Variants in ZNF207 observed in about 807,000 individuals in gnomAD.
The protein encoded by ZNF207 is zinc finger protein 207, also known as BUB3-interacting and GLEBS motif-containing protein ZNF207.
Under a neutral mutation model 60.2 loss-of-function variants are expected in ZNF207, and 24 were observed. The observed-to-expected ratio is 0.40, with a 90% CI of 0.29 to 0.56. The LOEUF (loss-of-function observed/expected upper bound fraction) is 0.56, where lower values mean the gene tolerates loss of function less well. Ranked by LOEUF, ZNF207 falls within the 20% of genes least tolerant of loss-of-function variation. The pLI is 0.49. For missense variants in ZNF207, 452 were observed against 636.6 expected (o/e 0.71, Z 3.12); for synonymous variants, 236 against 194.7 (o/e 1.21, Z -1.77).
intron 3 of ZNF207, among the ~76,000 whole-genome samples, chr17:32,360,190 A>ACCCC (rs1567818198): frequency 2.2e-5 from 3 of 136,150 alleles, no homozygotes; most frequent in African/African-American, 8.2e-5. Flanking sequence ...CCCCCCCAAA[A>ACCCC]AAAAAAAAAA....
rs1423179141 is a variant in ZNF207 at position 32,370,984 on chromosome 17, C to G, written c.*1225C>G. On this transcript the variant is annotated 3_prime_UTR_variant, in exon 12 of 12. Transcript: ENST00000394670. ...CCTTCTGTTATTAAGCCTAGGTAGC[C>G]TTACTGTGCAACTTTTTATTTATCC... The G allele has an allele frequency of 3.9e-5, 6 of 152,122 alleles. No individual in the cohort carries two copies. The highest frequency in any genetic ancestry group is 7.4e-5 in the Non-Finnish European group (5 of 68,026). The allele number at this position is 152,122 out of a possible 1,614,324, so 9.4% of individuals were successfully genotyped here.
chr17:32,351,625 G>A, intron 1 of ZNF207, 161 bp from the exon 2 acceptor site: 5 of 1,545,370 alleles, frequency 3.2e-6, no homozygotes, highest in Non-Finnish European at 4.4e-6. Context: ...GAAATAACAT[G>A]GCAAGTGTAG....
At chr17:32,357,583 G>C (rs1904620211) in intron 2 of ZNF207, among the ~76,000 whole-genome samples, 1 of 151,470 alleles carries the variant, frequency 6.6e-6, no homozygotes, top group Admixed American at 6.6e-5. Flanking sequence ...TCTTGACCTC[G>C]TGATCCGCCC....
intron 2 of ZNF207, among the ~76,000 whole-genome samples, chr17:32,356,563 G>C (rs1161478935): frequency 6.6e-6 from 1 of 152,110 alleles, no homozygotes; most frequent in African/African-American, 2.4e-5. Flanking sequence ...TTAGCTTTTT[G>C]TAGTTACTTT....
intron 9 of ZNF207, among the ~76,000 whole-genome samples, 185 bp downstream of exon 9, chr17:32,366,942 A>G (rs114441289): frequency 0.011 from 1,692 of 152,068 alleles, 24 homozygotes; most frequent in African/African-American, 0.039. Flanking sequence ...ACTACCCCGA[A>G]CTCCTGTGGT....
Position 32,380,535 on chromosome 17 carries a change from T to C in ZNF207, c.*10776T>C, listed in dbSNP as rs1477990206. 1 of 152,246 alleles carries C rather than the reference T, an allele frequency of 6.6e-6. No individual in the cohort carries two copies. The highest frequency in any genetic ancestry group is 1.5e-5 in the Non-Finnish European group (1 of 68,046). 9.4% of individuals were successfully genotyped at this position (152,246 alleles called of 1,614,324 possible). ...ACTCGATGATGGCTTTCAGTTTATT[T>C]AAGTCTTCTGTTTTTCAGCTCCAGT... On this transcript the variant is annotated 3_prime_UTR_variant, in exon 12 of 12. Transcript: ENST00000394670.
intron 3 of ZNF207, among the ~76,000 whole-genome samples, chr17:32,358,916 T>C (rs2344976): frequency 0.59 from 89,247 of 151,600 alleles, 27,108 homozygotes; most frequent in African/African-American, 0.64. Flanking sequence ...TCTCTTGACT[T>C]GGCCTCCTGA....
At chr17:32,368,439 C>T (rs1365655008) in intron 10 of ZNF207, 10 of 175,202 alleles carry the variant, frequency 5.7e-5, no homozygotes, top group South Asian at 4.9e-4. Context: ...TGGTGGCTCA[C>T]GCCTATAATT....
chr17:32,363,783 G>A (rs1254233194), intron 7 of ZNF207, among the ~76,000 whole-genome samples: 1 of 151,760 alleles, frequency 6.6e-6, no homozygotes, highest in Non-Finnish European at 1.5e-5. Flanking sequence ...CGCCTGCCTT[G>A]GCCTCCCGAA....
At position 32,365,464 on chromosome 17, in the gene ZNF207, C is replaced by T. The variant is rs750641177; in HGVS notation, c.805C>T (p.Pro269Ser). ...VPAPQPPVTKPLFPSAGQMGT... is the reference protein window; with the variant it reads ...VPAPQPPVTKSLFPSAGQMGT... ...TGCCCCACAGCCTCCAGTTACTAAG[C>T]CTCTTTTCCCCAGTGCTGGACAGGT... Residue 269 changes from proline (P) to serine (S), a missense_variant, in exon 8 of 12, where the codon CCT becomes TCT. This residue lies in a region of ZNF207 where 390 missense variants were observed against 461.4 expected (regional missense o/e 0.85). Coordinates refer to ENST00000394670, the MANE Select transcript of ZNF207 (RefSeq NM_001098507.2). The T allele has an allele frequency of 6.2e-7, 1 of 1,614,070 alleles. No homozygotes were observed. The highest frequency in any genetic ancestry group is 8.5e-7 in the Non-Finnish European group (1 of 1,180,004).
At chr17:32,366,526 G>A (rs1905169344) in intron 8 of ZNF207, 139 bp from the exon 9 acceptor site, 2 of 531,114 alleles carry the variant, frequency 3.8e-6, no homozygotes, top group African/African-American at 2.0e-5. Flanking sequence ...TTAACTGCCT[G>A]CCTTTTAAAA....
rs561822635 is a variant in ZNF207 at position 32,369,678 on chromosome 17, G to C, written c.1404G>C (p.Met468Ile). The change falls in exon 12 of 12, where the codon ATG becomes ATC. Residue 468 changes from methionine to isoleucine, a missense_variant. By Grantham distance (10) the Met-to-Ile change is conservative. Around this residue, in one of 2 missense-constraint regions of ZNF207, gnomAD observed 390 missense variants for 461.4 expected, o/e 0.85. Coordinates refer to ENST00000394670, the MANE Select transcript of ZNF207 (RefSeq NM_001098507.2). Reference protein sequence around the residue: ...AMPPYGQGPPMVPPYQGGPPR... With the variant: ...AMPPYGQGPPIVPPYQGGPPR... ...CCCCGTATGGGCAGGGACCGCCAAT[G>C]GTGCCCCCTTACCAGGGTGGGCCTC... 1.3e-6 allele frequency: 2 copies of C among 1,599,564 alleles called. No homozygotes were observed. Among genetic ancestry groups the C allele is most frequent in the East Asian group, 2.2e-5 (1 of 44,708 alleles).
intron 2 of ZNF207, among the ~76,000 whole-genome samples, chr17:32,353,937 G>C (rs1904344549): frequency 6.6e-6 from 1 of 151,926 alleles, no homozygotes. Context: ...TAAATGCTCA[G>C]TTTCTCTGTC....
At chr17:32,367,238 ATT>A (rs1567824637) in intron 9 of ZNF207, among the ~76,000 whole-genome samples, 1 of 32,284 alleles carries the variant, frequency 3.1e-5, no homozygotes, top group African/African-American at 8.1e-5. Context: ...TTTGGAGGGG[ATT>A]ATATATATAT....
At chr17:32,364,124 C>T (rs533702085) in intron 7 of ZNF207, among the ~76,000 whole-genome samples, 5 of 152,112 alleles carry the variant, frequency 3.3e-5, no homozygotes, top group Admixed American at 6.5e-5. Context: ...CCGCAGCCTC[C>T]CAAAGTGCTG....
At chr17:32,367,674 CTTTA>C (rs1156241277) in intron 9 of ZNF207, 94 bp from the exon 10 acceptor site, 4 of 1,462,614 alleles carry the variant, frequency 2.7e-6, no homozygotes, top group Middle Eastern at 3.8e-4. Context: ...AAGTTTGGTC[CTTTA>C]TTTAATGTTG....
Position 32,381,104 on chromosome 17 carries a change from G to C in ZNF207, c.*11345G>C, listed in dbSNP as rs546842197. On this transcript the variant is annotated 3_prime_UTR_variant, in exon 12 of 12. Coordinates refer to ENST00000394670, the MANE Select transcript of ZNF207 (RefSeq NM_001098507.2). ...AAAGATTGATTATTTCTGAGGAAAA[G>C]GTCCATTTATTTCCAAACTAGTCTG... 4 of 152,198 alleles carry C rather than the reference G, an allele frequency of 2.6e-5. No homozygotes were observed. The highest frequency in any genetic ancestry group is 7.2e-5 in the African/African-American group (3 of 41,440). 9.4% of individuals were successfully genotyped at this position (152,198 alleles called of 1,614,324 possible). A position where few individuals can be genotyped will look rare whatever the true frequency, so the allele number is the denominator to read the frequency against.
At position 32,370,601 on chromosome 17, in the gene ZNF207, T is replaced by G. The variant is rs540747699; in HGVS notation, c.*842T>G. On this transcript the variant is annotated 3_prime_UTR_variant, in exon 12 of 12. Transcript: ENST00000394670. ...TCATTACATAATGGGTATGAAATCT[T>G]TATAATCACCCTTCCACCCTCTATG... 6.6e-6 allele frequency: 1 copy of G among 152,330 alleles called. No individual in the cohort carries two copies. Among genetic ancestry groups the G allele is most frequent in the South Asian group, 2.1e-4 (1 of 4,832 alleles). The allele number at this position is 152,330 out of a possible 1,614,324, so 9.4% of individuals were successfully genotyped here.
rs1278463894 is a variant in ZNF207 at position 32,379,365 on chromosome 17, AT to A, written c.*9609del. On this transcript the variant is annotated 3_prime_UTR_variant, in exon 12 of 12. Transcript: ENST00000394670. ...TTAGAAAATTATTTTACCACCTGGC[AT>A]TTCCCTTTTAATTTGCTAGTTCACT... is the stretch of plus-strand genomic sequence containing the variant. 4 of 152,092 alleles carry A rather than the reference AT, an allele frequency of 2.6e-5. No individual in the cohort carries two copies. The highest frequency in any genetic ancestry group is 5.9e-5 in the Non-Finnish European group (4 of 67,968). 9.4% of individuals were successfully genotyped at this position (152,092 alleles called of 1,614,324 possible).
Sources: allele counts gnomAD v4.1 joint callset (sites outside exome capture counted in the v4.1 genomes callset), GRCh38; gene constraint gnomAD v4.1.1; regional missense constraint gnomAD v4.1.1; transcripts MANE v1.5; gene names NCBI Gene and HGNC (gene_info 2026-07-23, HGNC 2026-07-21).